ARHGAP6: variants seen among roughly 807,000 people sequenced by gnomAD.
ARHGAP6 encodes Rho GTPase activating protein 6.
Under a neutral mutation model 55.7 loss-of-function variants are expected in ARHGAP6, and 16 were observed. The ratio of observed to expected loss-of-function variants is 0.29; its 90% CI spans 0.19 to 0.44. ARHGAP6 has a LOEUF of 0.44. Ranked by LOEUF, ARHGAP6 falls within the 20% of genes least tolerant of loss-of-function variation. ARHGAP6 has a pLI of 1.00. For synonymous variants in ARHGAP6, 382 were observed against 360.9 expected, an observed-to-expected ratio of 1.06 and a Z score of -0.66; for missense variants, 698 against 808.9, an observed-to-expected ratio of 0.86 and a Z score of 1.66.
chrX:11,420,573 C>T (rs2049809613), intron 1 of ARHGAP6, among the ~76,000 whole-genome samples: 1 of 111,332 alleles, frequency 9.0e-6, no homozygotes, highest in African/African-American at 3.3e-5. Context: ...GCCACAAACC[C>T]GCCTGCCACC....
intron 1 of ARHGAP6, among the ~76,000 whole-genome samples, chrX:11,427,346 C>A (rs2049892344): frequency 8.9e-6 from 1 of 112,313 alleles, no homozygotes; most frequent in Admixed American, 9.3e-5. Flanking sequence ...AGGGTTGGGG[C>A]TCCCCTGTAC....
intron 1 of ARHGAP6, among the ~76,000 whole-genome samples, chrX:11,456,669 G>C (rs895020658): frequency 2.7e-5 from 3 of 111,645 alleles, no homozygotes; most frequent in Non-Finnish European, 5.6e-5. Context: ...CAGTACGTGA[G>C]AGAACTCCTT....
chrX:11,663,200 A>T (rs1213523015), intron 1 of ARHGAP6, among the ~76,000 whole-genome samples: 1 of 112,560 alleles, frequency 8.9e-6, no homozygotes, highest in Non-Finnish European at 1.9e-5. Context: ...ACATTAACAC[A>T]GCTGAGTATG....
intron 1 of ARHGAP6, among the ~76,000 whole-genome samples, chrX:11,365,598 G>T (rs2049066026): frequency 1.8e-5 from 2 of 112,476 alleles, no homozygotes; most frequent in Non-Finnish European, 1.9e-5. Context: ...GACCAAAATA[G>T]AAAAGCAGAA....
chrX:11,406,935 T>C lies in ARHGAP6; in HGVS notation c.589-152228A>G, dbSNP rs755385032. The stretch of plus-strand genomic sequence containing the variant: ...TATTACCTTACAGTGGAATAGACCA[T>C]GCATGTCTAGCATTGCTTGGCTTTC... On this transcript the variant is annotated intron_variant, in intron 1 of 12. Coordinates refer to ENST00000337414, the MANE Select transcript of ARHGAP6 (RefSeq NM_013427.3). Among the ~76,000 whole-genome samples the C allele has an allele frequency of 2.7e-5, 3 of 110,241 alleles. No individual in the cohort carries two copies. In the East Asian group the frequency reaches 8.5e-4, roughly 31 times the overall value.
chrX:11,184,984 G>A (rs1333478730), intron 5 of ARHGAP6, among the ~76,000 whole-genome samples: 2 of 111,995 alleles, frequency 1.8e-5, no homozygotes, highest in Admixed American at 9.5e-5. Flanking sequence ...TACAGCATGC[G>A]ACTGTGCTGA....
intron 1 of ARHGAP6, among the ~76,000 whole-genome samples, chrX:11,362,509 G>A (rs2049025527): frequency 9.1e-6 from 1 of 109,687 alleles, no homozygotes; most frequent in African/African-American, 3.3e-5. Context: ...CTGTTGTGGG[G>A]TGGCGGAAGG....
intron 2 of ARHGAP6, among the ~76,000 whole-genome samples, chrX:11,214,246 C>A (rs1002712187): frequency 1.0e-5 from 1 of 97,772 alleles, no homozygotes; most frequent in African/African-American, 3.7e-5. Flanking sequence ...AAAAGGAAAA[C>A]CTTTGCTTAA....
intron 1 of ARHGAP6, among the ~76,000 whole-genome samples, chrX:11,445,901 A>G (rs189043852): frequency 3.6e-5 from 4 of 111,172 alleles, no homozygotes; most frequent in Admixed American, 2.9e-4. Flanking sequence ...GGCCATGCAC[A>G]TTCCAAAGCA....
Position 11,169,770 on chromosome X carries a change from CT to C in ARHGAP6, c.1630-87del, listed in dbSNP as rs1478412048. 5.3e-6 allele frequency: 4 copies of C among 757,835 alleles called. No homozygotes were observed. The African/African-American group carries it at 6.7e-5, about 13-fold the overall frequency. The allele number at this position is 757,835 out of a possible 1,213,427, so 62.5% of individuals were successfully genotyped here. On this transcript the variant is annotated intron_variant, in intron 8 of 12. Coordinates refer to ENST00000337414, the MANE Select transcript of ARHGAP6 (RefSeq NM_013427.3). ...TCAACAATCAATGAAACCTTTTACT[CT>C]CCTTTTTTTTTTTTAATCCTGCAAG...
At chrX:11,467,905 G>A (rs750608625) in intron 1 of ARHGAP6, among the ~76,000 whole-genome samples, 3 of 109,963 alleles carry the variant, frequency 2.7e-5, no homozygotes, top group South Asian at 3.9e-4. Flanking sequence ...ACTTGAGCCC[G>A]AGAGGCAGAG....
intron 9 of ARHGAP6, among the ~76,000 whole-genome samples, chrX:11,160,418 C>T (rs1158948627): frequency 9.3e-6 from 1 of 106,959 alleles, no homozygotes; most frequent in African/African-American, 3.4e-5. Flanking sequence ...GATCATGCCA[C>T]TGCACTCCAG....
In ARHGAP6 at chrX:11,391,176, A is replaced by C. The variant is rs1008616514; in HGVS notation, c.589-136469T>G. ...CATGTCCTTTGTAGGGACATGGATG[A>C]AGCCGGAAACCATCATTGTGAGCAA... On this transcript the variant is annotated intron_variant, in intron 1 of 12. Coordinates refer to ENST00000337414, the MANE Select transcript of ARHGAP6 (RefSeq NM_013427.3). 2.7e-5 allele frequency among the ~76,000 whole-genome samples: 3 copies of C among 111,710 alleles called. No homozygotes were observed. In the Admixed American group the frequency reaches 2.9e-4, roughly 11 times the overall value.
rs1326906873 is a variant in ARHGAP6 at position 11,219,356 on chromosome X, A to G, written c.749-22360T>C. Among the ~76,000 whole-genome samples, 10 of 102,418 alleles carry G rather than the reference A, an allele frequency of 9.8e-5. No individual in the cohort carries two copies. The East Asian group carries it at 2.9e-3, about 29-fold the overall frequency. The allele number at this position is 102,418 out of a possible 115,157, so 88.9% of individuals were successfully genotyped here. ...AATGCCACAATAAACATACGTGTGC[A>G]TGTGTCTTTATAACAGCATGATTTA... On this transcript the variant is annotated intron_variant, in intron 2 of 12. Transcript: ENST00000337414.
intron 1 of ARHGAP6, among the ~76,000 whole-genome samples, chrX:11,577,274 A>G (rs2051610550): frequency 8.9e-6 from 1 of 112,164 alleles, no homozygotes; most frequent in Admixed American, 9.5e-5. Context: ...GTGAGAGGCA[A>G]TGAGATAGGA....
intron 3 of ARHGAP6, among the ~76,000 whole-genome samples, chrX:11,192,536 T>C (rs2046474289): frequency 1.8e-5 from 2 of 112,419 alleles, no homozygotes; most frequent in Middle Eastern, 4.6e-3. Context: ...TCTTTGAGAA[T>C]TTCTACATAG....
At chrX:11,230,295 T>G (rs772754541) in intron 2 of ARHGAP6, among the ~76,000 whole-genome samples, 1 of 111,429 alleles carries the variant, frequency 9.0e-6, no homozygotes, top group Non-Finnish European at 1.9e-5. Flanking sequence ...TCTCCCGAGT[T>G]CAAGCGATTC....
At chrX:11,466,315 T>C (rs972013471) in intron 1 of ARHGAP6, among the ~76,000 whole-genome samples, 3 of 111,218 alleles carry the variant, frequency 2.7e-5, no homozygotes, top group Non-Finnish European at 3.8e-5. Context: ...GACACAAGTC[T>C]AAGCCTTTGA....
At chrX:11,281,718 A>T (rs2047858171) in intron 1 of ARHGAP6, among the ~76,000 whole-genome samples, 1 of 111,820 alleles carries the variant, frequency 8.9e-6, no homozygotes, top group Admixed American at 9.5e-5. Context: ...TCAAATGGTT[A>T]TTAGTGGCCA....
Sources: gnomAD v4.1 joint callset for allele counts (sites outside exome capture counted in the v4.1 genomes callset) on GRCh38, gnomAD v4.1.1 for gene constraint, MANE v1.5 for transcripts, NCBI Gene and HGNC (gene_info 2026-07-23, HGNC 2026-07-21) for gene names.